PCDH11X: variants seen among roughly 807,000 people sequenced by gnomAD.
PCDH11X encodes the protein protocadherin 11 X-linked, also known as protocadherin-11 X-linked.
Under a neutral mutation model 53.3 loss-of-function variants are expected in PCDH11X, and 18 were observed. That is an observed-to-expected ratio of 0.34 (90% CI 0.23 to 0.50). PCDH11X has a LOEUF of 0.50. Ranked by LOEUF, PCDH11X falls within the 20% of genes least tolerant of loss-of-function variation. The pLI, the probability that PCDH11X is intolerant of heterozygous loss-of-function variation, is 0.98. For synonymous variants in PCDH11X, 279 were observed against 393.3 expected (o/e 0.71, Z 3.44); for missense variants, 570 against 1,032.4 (o/e 0.55, Z 6.14).
chrX:92,542,658 A>T (rs2074777549), intron 10 of PCDH11X, among the ~76,000 whole-genome samples: 2 of 111,666 alleles, frequency 1.8e-5, no homozygotes, highest in African/African-American at 6.5e-5. Flanking sequence ...CTCCTTTTAG[A>T]TGAAAGATAA....
intron 8 of PCDH11X, among the ~76,000 whole-genome samples, chrX:92,326,639 T>TATATATATATATATATATAGAG (rs758088746): frequency 7.6e-5 from 3 of 39,303 alleles, no homozygotes; most frequent in Non-Finnish European, 7.6e-5. Context: ...TATATATATA[T>TATATATATATATATATATAGAG]AGAGAGAGAG....
chrX:92,070,463 T>C (rs1041454077), intron 6 of PCDH11X, among the ~76,000 whole-genome samples: 5 of 112,239 alleles, frequency 4.5e-5, no homozygotes, highest in African/African-American at 1.6e-4. Context: ...TTTTATTTCC[T>C]TCAGCAGTCT....
chrX:91,954,717 T>C (rs1350675989), intron 6 of PCDH11X, among the ~76,000 whole-genome samples: 1 of 111,366 alleles, frequency 9.0e-6, no homozygotes, highest in Admixed American at 9.5e-5. Flanking sequence ...TCAGTGATGT[T>C]GAGCTTCGTT....
chrX:91,893,259 T>C (rs1444607531), intron 6 of PCDH11X, among the ~76,000 whole-genome samples: 2 of 111,149 alleles, frequency 1.8e-5, no homozygotes, highest in East Asian at 2.8e-4. Context: ...CTTTTGTCCA[T>C]GAGTTATACT....
At chrX:92,583,048 C>T (rs1300382103) in intron 10 of PCDH11X, among the ~76,000 whole-genome samples, 2 of 108,609 alleles carry the variant, frequency 1.8e-5, no homozygotes, top group Non-Finnish European at 3.8e-5. Flanking sequence ...TCTGATTTTA[C>T]AGTCTCATAG....
rs751360632 is a variant in PCDH11X, at chrX:92,531,722, TTTAG to T, written c.3367+63402_3367+63405del. Among the ~76,000 whole-genome samples the T allele has an allele frequency of 1.4e-3, 156 of 109,621 alleles. 1 individual carries two copies. Among genetic ancestry groups the T allele is most frequent in the African/African-American group, 4.8e-3 (145 of 30,386 alleles). ...TTCCTTAGTTCTGAGCTTTTCTGGA[TTTAG>T]TGAGAGCCTTATATTGTCACAGAAA... On this transcript the variant is annotated intron_variant, in intron 10 of 10. Coordinates refer to ENST00000682573, the MANE Select transcript of PCDH11X (RefSeq NM_032968.5).
chrX:91,981,932 G>A (rs2062145622), intron 6 of PCDH11X, among the ~76,000 whole-genome samples: 2 of 106,402 alleles, frequency 1.9e-5, no homozygotes, highest in Non-Finnish European at 3.9e-5. Context: ...ATTGAAGGGT[G>A]AGAATATAAC....
chrX:92,493,985 T>TG (rs1233843505), intron 10 of PCDH11X, among the ~76,000 whole-genome samples: 1 of 105,722 alleles, frequency 9.5e-6, no homozygotes, highest in East Asian at 3.0e-4. Context: ...GCCAACAGGT[T>TG]TTTTTTTTTT....
intron 6 of PCDH11X, among the ~76,000 whole-genome samples, chrX:92,046,226 AT>A (rs2063286766): frequency 9.0e-6 from 1 of 111,592 alleles, no homozygotes; most frequent in African/African-American, 3.3e-5. Context: ...TCTTTTGAGA[AT>A]TGGTCATTAA....
At chrX:92,452,025 A>G (rs1395876461) in intron 9 of PCDH11X, among the ~76,000 whole-genome samples, 1 of 108,872 alleles carries the variant, frequency 9.2e-6, no homozygotes, top group East Asian at 2.9e-4. Flanking sequence ...TAGTTCACAT[A>G]AATGTGTGAA....
chrX:92,283,895 T>C (rs925594416), intron 8 of PCDH11X, among the ~76,000 whole-genome samples: 2 of 111,874 alleles, frequency 1.8e-5, no homozygotes, highest in Non-Finnish European at 3.8e-5. Context: ...TATTTTTTCT[T>C]GATGAACTTT....
intron 5 of PCDH11X, among the ~76,000 whole-genome samples, chrX:91,844,513 AAG>A: frequency 9.1e-6 from 1 of 109,663 alleles, no homozygotes; most frequent in South Asian, 3.9e-4. Context: ...TTTTTTAAAA[AAG>A]ATTTCCTCTC....
intron 6 of PCDH11X, among the ~76,000 whole-genome samples, chrX:92,104,446 C>G (rs951094845): frequency 1.2e-4 from 13 of 110,727 alleles, no homozygotes; most frequent in Non-Finnish European, 2.1e-4. Context: ...TAAAAGAATG[C>G]CTGGACGTCA....
intron 10 of PCDH11X, among the ~76,000 whole-genome samples, chrX:92,601,874 C>T (rs6615427): frequency 0.23 from 25,808 of 110,419 alleles, 2,388 homozygotes; most frequent in African/African-American, 0.3. Context: ...AAGGTATCTT[C>T]CACTGAGGCA....
At chrX:92,221,187 C>T (rs1264159570) in intron 7 of PCDH11X, among the ~76,000 whole-genome samples, 1 of 87,876 alleles carries the variant, frequency 1.1e-5, no homozygotes, top group Non-Finnish European at 2.2e-5. Context: ...TACCCTAAAA[C>T]TTAAAGTATA....
intron 6 of PCDH11X, among the ~76,000 whole-genome samples, chrX:92,191,858 A>G (rs1400742151): frequency 8.9e-6 from 1 of 112,073 alleles, no homozygotes; most frequent in Non-Finnish European, 1.9e-5. Context: ...CCAAATAATT[A>G]AGCACAAATA....
At chrX:92,231,085 T>G (rs2067067887) in intron 7 of PCDH11X, among the ~76,000 whole-genome samples, 1 of 111,445 alleles carries the variant, frequency 9.0e-6, no homozygotes, top group East Asian at 2.8e-4. Flanking sequence ...TGAGGCAGTT[T>G]TCAGTATTTA....
chrX:91,970,262 C>A (rs893695434), intron 6 of PCDH11X, among the ~76,000 whole-genome samples: 3 of 111,282 alleles, frequency 2.7e-5, no homozygotes, highest in African/African-American at 9.8e-5. Flanking sequence ...GGGACCTGAG[C>A]GGGTTGCCAC....
At chrX:91,922,285 G>T (rs1299518361) in intron 6 of PCDH11X, among the ~76,000 whole-genome samples, 1 of 111,864 alleles carries the variant, frequency 8.9e-6, no homozygotes, top group Non-Finnish European at 1.9e-5. Context: ...TTAGGAAACT[G>T]AAGTCTAGAG....
Sources: gnomAD v4.1 joint callset for allele counts (sites outside exome capture counted in the v4.1 genomes callset) on GRCh38, gnomAD v4.1.1 for gene constraint, MANE v1.5 for transcripts, NCBI Gene and HGNC (gene_info 2026-07-23, HGNC 2026-07-21) for gene names.